MACROD2: variants seen among roughly 807,000 people sequenced by gnomAD.
MACROD2 encodes the protein mono-ADP ribosylhydrolase 2.
MACROD2 carries 36 observed loss-of-function variants against 70.4 expected under a neutral mutation model. The observed-to-expected ratio is 0.51, with a 90% CI of 0.39 to 0.68. The LOEUF is 0.68. MACROD2 is among the 30% of genes least tolerant of loss of function. MACROD2 has a pLI of 0.00. For synonymous variants in MACROD2, 172 were observed against 178.8 expected (o/e 0.96, Z 0.30); for missense variants, 496 against 538.4 (o/e 0.92, Z 0.78).
chr20:15,619,627 A>G (rs1192284988), intron 8 of MACROD2: 5 of 449,656 alleles, frequency 1.1e-5, no homozygotes, highest in Admixed American at 3.4e-5. Flanking sequence ...GGCTTTGGCC[A>G]TGTTGTAGTC....
intron 6 of MACROD2, among the ~76,000 whole-genome samples, chr20:15,288,378 T>G (rs1367610921): frequency 1.3e-5 from 2 of 152,160 alleles, no homozygotes; most frequent in African/African-American, 4.8e-5. Flanking sequence ...AGAAGAAGAC[T>G]GCAGTGGCTA....
intron 6 of MACROD2, among the ~76,000 whole-genome samples, chr20:15,300,529 G>T (rs2077631931): frequency 6.6e-6 from 1 of 152,132 alleles, no homozygotes; most frequent in Non-Finnish European, 1.5e-5. Flanking sequence ...CAGATGCTTG[G>T]GCTCTACTCA....
chr20:15,301,760 G>A (rs1158155772), intron 6 of MACROD2, among the ~76,000 whole-genome samples: 1 of 151,926 alleles, frequency 6.6e-6, no homozygotes, highest in Non-Finnish European at 1.5e-5. Context: ...GAAGTGATTT[G>A]TCTTTCAGAG....
chr20:14,265,360 C>T (rs2082135331), intron 3 of MACROD2, among the ~76,000 whole-genome samples: 1 of 151,954 alleles, frequency 6.6e-6, no homozygotes, highest in Admixed American at 6.6e-5. Flanking sequence ...TGAAGATGAT[C>T]TTGATCAGAG....
At chr20:16,043,965 T>C (rs1942988454) in intron 16 of MACROD2, among the ~76,000 whole-genome samples, 1 of 152,126 alleles carries the variant, frequency 6.6e-6, no homozygotes, top group Non-Finnish European at 1.5e-5. Flanking sequence ...TCAGTTTCAG[T>C]TGAGGGAAGA....
intron 6 of MACROD2, among the ~76,000 whole-genome samples, chr20:15,307,763 C>T (rs901534931): frequency 2.0e-5 from 3 of 151,740 alleles, no homozygotes; most frequent in Non-Finnish European, 1.5e-5. Flanking sequence ...TTTTTCTGGT[C>T]TAGGATCCAA....
intron 5 of MACROD2, among the ~76,000 whole-genome samples, chr20:14,870,079 T>G (rs384557): frequency 0.25 from 38,695 of 152,120 alleles, 5,610 homozygotes; most frequent in Non-Finnish European, 0.33. Flanking sequence ...CATTGGTGAT[T>G]TTTCCTGATC....
chr20:15,233,631 G>C, intron 6 of MACROD2, among the ~76,000 whole-genome samples: 1 of 151,940 alleles, frequency 6.6e-6, no homozygotes, highest in Non-Finnish European at 1.5e-5. Context: ...GTTTGTAACA[G>C]CTGTTTTTTC....
chr20:14,383,618 G>C (rs1461982795), intron 3 of MACROD2, among the ~76,000 whole-genome samples: 2 of 152,166 alleles, frequency 1.3e-5, no homozygotes, highest in Admixed American at 1.3e-4. Context: ...ATGTAAATCA[G>C]TTTGCCTGAT....
intron 6 of MACROD2, among the ~76,000 whole-genome samples, chr20:15,341,246 A>C (rs1351286470): frequency 6.6e-6 from 1 of 152,208 alleles, no homozygotes; most frequent in South Asian, 2.1e-4. Context: ...TGCTCTTTGT[A>C]ACTTTTTTTT....
At chr20:15,528,751 A>C in intron 8 of MACROD2, among the ~76,000 whole-genome samples, 1 of 147,802 alleles carries the variant, frequency 6.8e-6, no homozygotes, top group South Asian at 2.1e-4. Flanking sequence ...TTCCTTTACC[A>C]CCACTACTTT....
intron 1 of MACROD2, among the ~76,000 whole-genome samples, chr20:13,999,349 C>T (rs781637545): frequency 2.0e-5 from 3 of 152,056 alleles, no homozygotes; most frequent in South Asian, 2.1e-4. Context: ...TCTGGATTTC[C>T]GTTATATTCT....
intron 5 of MACROD2, among the ~76,000 whole-genome samples, chr20:15,045,744 T>TTTTTTCC (rs11482249): frequency 3.7e-5 from 5 of 134,714 alleles, no homozygotes; most frequent in Non-Finnish European, 3.1e-5. Flanking sequence ...TTTTTTTTTT[T>TTTTTTCC]CCCTTTCTGA....
At chr20:14,926,055 C>A (rs2074226825) in intron 5 of MACROD2, among the ~76,000 whole-genome samples, 1 of 152,156 alleles carries the variant, frequency 6.6e-6, no homozygotes, top group South Asian at 2.1e-4. Context: ...AATGAAATAA[C>A]AAATCTGTAT....
At chr20:14,194,534 A>G (rs2081414532) in intron 3 of MACROD2, among the ~76,000 whole-genome samples, 1 of 152,186 alleles carries the variant, frequency 6.6e-6, no homozygotes, top group Non-Finnish European at 1.5e-5. Flanking sequence ...ACAACCCAGG[A>G]TAAAGCAGGA....
intron 3 of MACROD2, among the ~76,000 whole-genome samples, chr20:14,410,864 C>G (rs1401043188): frequency 6.6e-6 from 1 of 152,180 alleles, no homozygotes; most frequent in Non-Finnish European, 1.5e-5. Context: ...ACTACAAACA[C>G]TCTCATGCTT....
At chr20:14,019,873 T>C (rs1210279518) in intron 2 of MACROD2, among the ~76,000 whole-genome samples, 1 of 152,210 alleles carries the variant, frequency 6.6e-6, no homozygotes, top group Non-Finnish European at 1.5e-5. Context: ...GGCTGGTAAT[T>C]GTTTAACTAT....
In MACROD2 at chr20:14,326,871, G is replaced by A. The variant is rs748847210; in HGVS notation, c.272-166608G>A. On this transcript the variant is annotated intron_variant, in intron 3 of 17. Coordinates refer to ENST00000684519, the MANE Select transcript of MACROD2 (RefSeq NM_001351661.2). This position sits in a 1 kb window ranked among gnomAD's most constrained non-coding sequence, Gnocchi z 5.5. ...AAACTTTGTCACCTAAACCATGATT[G>A]TTCAACAGGTTTCCATCTAGAACCA... The A allele has an allele frequency of 8.3e-5, 134 of 1,613,734 alleles. 2 individuals are homozygous for A. The South Asian group carries it at 1.2e-3, about 15-fold the overall frequency.
intron 5 of MACROD2, among the ~76,000 whole-genome samples, chr20:14,844,470 T>G (rs1442687198): frequency 2.0e-5 from 3 of 151,886 alleles, no homozygotes; most frequent in Admixed American, 2.0e-4. Flanking sequence ...TGAGCCAAGA[T>G]GGCGCCACTG....
Sources: gnomAD v4.1 joint callset for allele counts (sites outside exome capture counted in the v4.1 genomes callset) on GRCh38, gnomAD v4.1.1 for gene constraint, Gnocchi (gnomAD v3.1) non-coding constraint, MANE v1.5 for transcripts, NCBI Gene and HGNC (gene_info 2026-07-23, HGNC 2026-07-21) for gene names.